The following SYTL3 variants were observed in gnomAD, a reference collection of about 807,000 sequenced individuals.
The protein encoded by SYTL3 is synaptotagmin-like protein 3.
SYTL3 carries 88 observed loss-of-function variants against 82.1 expected under a neutral mutation model. The observed-to-expected ratio is 1.07, with a 90% CI of 0.90 to 1.28. The LOEUF (loss-of-function observed/expected upper bound fraction) is 1.28. Among genes scored for constraint, SYTL3 ranks in the 50% most tolerant of loss-of-function variants. SYTL3 has a pLI of 0.00. For synonymous variants in SYTL3, 311 were observed against 289.4 expected, an observed-to-expected ratio of 1.07 and a Z score of -0.76; for missense variants, 831 against 757.6, an observed-to-expected ratio of 1.10 and a Z score of -1.14.
intron 9 of SYTL3, among the ~76,000 whole-genome samples, chr6:158,714,151 G>A (rs1368726033): frequency 2.0e-5 from 3 of 152,160 alleles, no homozygotes; most frequent in South Asian, 2.1e-4. Flanking sequence ...TCAGGAGTTC[G>A]AGACCATCTG....
At chr6:158,704,291 C>T (rs1465655102) in intron 6 of SYTL3, among the ~76,000 whole-genome samples, 3 of 152,256 alleles carry the variant, frequency 2.0e-5, no homozygotes, top group Non-Finnish European at 4.4e-5. Flanking sequence ...TGACGGGCCC[C>T]TCCCTGGGGC....
chr6:158,655,098 G>A (rs965392184), intron 2 of SYTL3, among the ~76,000 whole-genome samples: 1 of 152,096 alleles, frequency 6.6e-6, no homozygotes, highest in African/African-American at 2.4e-5. Context: ...TGTCATCCTG[G>A]GAAAATGGAC....
intron 2 of SYTL3, among the ~76,000 whole-genome samples, chr6:158,658,002 C>G (rs1161172273): frequency 2.0e-5 from 3 of 152,090 alleles, no homozygotes; most frequent in Non-Finnish European, 4.4e-5. Flanking sequence ...ATGCCATTCT[C>G]CTGCCCCAGC....
At chr6:158,682,893 CTCTG>C (rs756768453) in intron 5 of SYTL3, 28 bp from the exon 6 acceptor site, 2 of 1,568,974 alleles carry the variant, frequency 1.3e-6, no homozygotes, top group Non-Finnish European at 1.8e-6. Context: ...TATCTTCTCT[CTCTG>C]AAGCTTCCTT....
intron 5 of SYTL3, among the ~76,000 whole-genome samples, chr6:158,674,479 G>A (rs1777803737): frequency 6.6e-6 from 1 of 152,300 alleles, no homozygotes; most frequent in South Asian, 2.1e-4. Context: ...TGGACTCCAT[G>A]TACCCTGACT....
At chr6:158,704,404 G>T (rs1051991371) in intron 6 of SYTL3, among the ~76,000 whole-genome samples, 2 of 152,240 alleles carry the variant, frequency 1.3e-5, no homozygotes, top group African/African-American at 4.8e-5. Flanking sequence ...CGCACGCCCG[G>T]TCCGTGCAGG....
At chr6:158,759,933 A>G (rs1183298994) in intron 14 of SYTL3, among the ~76,000 whole-genome samples, 1 of 151,884 alleles carries the variant, frequency 6.6e-6, no homozygotes, top group African/African-American at 2.4e-5. Flanking sequence ...TTGTTAGTGT[A>G]TTTTATGTGT....
At chr6:158,755,942 C>G (rs1422074179) in intron 13 of SYTL3, among the ~76,000 whole-genome samples, 1 of 152,218 alleles carries the variant, frequency 6.6e-6, no homozygotes, top group Non-Finnish European at 1.5e-5. Context: ...CACTGAATTT[C>G]CAAGCTGCTT....
chr6:158,708,067 C>T (rs1782310963), intron 7 of SYTL3, among the ~76,000 whole-genome samples: 1 of 152,132 alleles, frequency 6.6e-6, no homozygotes. Context: ...CAGGCTGTTT[C>T]AGAACACATG....
intron 2 of SYTL3, among the ~76,000 whole-genome samples, chr6:158,656,585 C>G (rs1788703028): frequency 6.6e-6 from 1 of 152,096 alleles, no homozygotes; most frequent in East Asian, 1.9e-4. Context: ...ATTAGCCGGG[C>G]ATGGTGGCAG....
At chr6:158,672,576 A>T (rs1777523386) in intron 5 of SYTL3, among the ~76,000 whole-genome samples, 1 of 141,394 alleles carries the variant, frequency 7.1e-6, no homozygotes, top group Non-Finnish European at 1.5e-5. Context: ...TTTTTGGCAG[A>T]GACTGCAGCC....
intron 5 of SYTL3, among the ~76,000 whole-genome samples, chr6:158,678,706 A>G (rs1778328779): frequency 6.6e-6 from 1 of 152,238 alleles, no homozygotes; most frequent in South Asian, 2.1e-4. Context: ...TTGTAATTCT[A>G]GTGATCCTCA....
intron 4 of SYTL3, among the ~76,000 whole-genome samples, chr6:158,664,399 G>C (rs1351174706): frequency 2.0e-5 from 3 of 152,094 alleles, no homozygotes; most frequent in Non-Finnish European, 2.9e-5. Flanking sequence ...ACAAAAATTA[G>C]CCGGGCGGTG....
intron 6 of SYTL3, among the ~76,000 whole-genome samples, chr6:158,692,892 A>G (rs1476404877): frequency 2.6e-5 from 4 of 151,934 alleles, no homozygotes; most frequent in African/African-American, 7.3e-5. Context: ...TGGAGGTTGC[A>G]GTAAGCCGAG....
intron 15 of SYTL3, among the ~76,000 whole-genome samples, chr6:158,761,129 C>T (rs1315033640): frequency 3.3e-5 from 5 of 151,990 alleles, no homozygotes; most frequent in Admixed American, 2.0e-4. Context: ...CGAGATAAAT[C>T]CCCGCCCCCA....
intron 2 of SYTL3, among the ~76,000 whole-genome samples, chr6:158,655,962 A>G (rs1179738647): frequency 6.6e-6 from 1 of 152,192 alleles, no homozygotes; most frequent in Admixed American, 6.5e-5. Flanking sequence ...GCATGTGGTC[A>G]GGGAATGGTC....
intron 10 of SYTL3, among the ~76,000 whole-genome samples, chr6:158,722,031 A>G (rs1179077050): frequency 1.3e-5 from 2 of 152,184 alleles, no homozygotes. Flanking sequence ...CAGATTATTA[A>G]TATTTCATCA....
At chr6:158,691,791 A>G (rs1416538358) in intron 6 of SYTL3, among the ~76,000 whole-genome samples, 1 of 150,970 alleles carries the variant, frequency 6.6e-6, no homozygotes, top group African/African-American at 2.4e-5. Context: ...AGCTGGGACT[A>G]CGGGCACCTG....
At chr6:158,743,652 G>T (rs1664213674) in intron 11 of SYTL3, among the ~76,000 whole-genome samples, 1 of 129,320 alleles carries the variant, frequency 7.7e-6, no homozygotes, top group South Asian at 2.4e-4. Context: ...TACCATGTTG[G>T]CCAGGCTGGT....
Sources: allele counts gnomAD v4.1 joint callset (sites outside exome capture counted in the v4.1 genomes callset), GRCh38; gene constraint gnomAD v4.1.1; transcripts MANE v1.5; gene names NCBI Gene and HGNC (gene_info 2026-07-23, HGNC 2026-07-21).